The following NSF variants were observed in gnomAD, a reference collection of about 807,000 sequenced individuals.
The protein encoded by NSF is N-ethylmaleimide sensitive factor, vesicle fusing ATPase.
A neutral mutation model predicts 50.3 loss-of-function variants in NSF; 14 were observed. The ratio of observed to expected loss-of-function variants is 0.28; its 90% CI spans 0.18 to 0.44. The LOEUF is 0.44. NSF is among the 20% of genes least tolerant of loss of function. NSF has a pLI of 1.00. For synonymous variants in NSF, 109 were observed against 175.7 expected, an observed-to-expected ratio of 0.62 and a Z score of 3.00; for missense variants, 218 against 504.3, an observed-to-expected ratio of 0.43 and a Z score of 5.44.
chr17:46,693,390 G>T (rs2058564930), intron 10 of NSF, among the ~76,000 whole-genome samples: 1 of 151,964 alleles, frequency 6.6e-6, no homozygotes, highest in Non-Finnish European at 1.5e-5. Flanking sequence ...GGCCTTCGGG[G>T]GTCCTCAGAG....
intron 8 of NSF, among the ~76,000 whole-genome samples, chr17:46,649,330 G>A (rs1279452608): frequency 1.3e-5 from 2 of 150,172 alleles, no homozygotes; most frequent in African/African-American, 5.0e-5. Flanking sequence ...TAGTAATGGT[G>A]TAAGTAGTCT....
chr17:46,745,395 CTT>C (rs2059118134), intron 17 of NSF, among the ~76,000 whole-genome samples: 1 of 152,192 alleles, frequency 6.6e-6, no homozygotes, highest in African/African-American at 2.4e-5. Flanking sequence ...GTCATGACCT[CTT>C]TGCAGTTTTT....
chr17:46,739,628 C>T (rs1024183197), intron 17 of NSF, among the ~76,000 whole-genome samples: 1 of 151,822 alleles, frequency 6.6e-6, no homozygotes, highest in South Asian at 2.1e-4. Context: ...TCCTGTGGGC[C>T]CCTTCCTCTA....
At position 46,720,646 on chromosome 17, in the gene NSF, A is replaced by G. The variant is rs1287186323; in HGVS notation, c.1762-5903A>G. On this transcript the variant is annotated intron_variant, in intron 15 of 20. Coordinates refer to ENST00000398238, the MANE Select transcript of NSF (RefSeq NM_006178.4). ...TTTACGTTTTTATATGCTACCAAATATGATTAGAGTATGCTTTTAACTAAT... is the reference window on the plus strand; with the variant it reads ...TTTACGTTTTTATATGCTACCAAATGTGATTAGAGTATGCTTTTAACTAAT... 2.0e-5 allele frequency among the ~76,000 whole-genome samples: 3 copies of G among 152,226 alleles called. No individual in the cohort carries two copies. In the East Asian group the frequency reaches 5.8e-4, roughly 29 times the overall value.
intron 9 of NSF, among the ~76,000 whole-genome samples, chr17:46,676,151 AC>A (rs1389475946): frequency 2.8e-5 from 4 of 141,996 alleles, no homozygotes; most frequent in Non-Finnish European, 4.5e-5. Context: ...ATCTGCTGCC[AC>A]CACAGGGAAA....
rs1317075170 is a variant in NSF, at chr17:46,757,210, T to C, written c.*1387T>C. On this transcript the variant is annotated 3_prime_UTR_variant, in exon 21 of 21. Coordinates refer to ENST00000398238, the MANE Select transcript of NSF (RefSeq NM_006178.4). ...GATGTCATATCTTCTTTGTTTTGGGTTTTCTTCCCTAGCTTATTTTGTGGC... is the reference window on the plus strand; with the variant it reads ...GATGTCATATCTTCTTTGTTTTGGGCTTTCTTCCCTAGCTTATTTTGTGGC... 1 of 152,258 alleles carries C rather than the reference T, an allele frequency of 6.6e-6. No individual in the cohort carries two copies. The highest frequency in any genetic ancestry group is 1.5e-5 in the Non-Finnish European group (1 of 68,038). 9.4% of individuals were successfully genotyped at this position (152,258 alleles called of 1,614,324 possible).
intron 1 of NSF, among the ~76,000 whole-genome samples, chr17:46,608,775 G>A (rs2057975900): frequency 6.9e-6 from 1 of 144,378 alleles, no homozygotes. Context: ...TTGTATTTTA[G>A]TAGAGATGGG....
chr17:46,728,815 G>T (rs759440444), intron 16 of NSF, 40 bp from the exon 17 acceptor site: 4 of 1,322,026 alleles, frequency 3.0e-6, no homozygotes, highest in Non-Finnish European at 4.2e-6. Flanking sequence ...ATATGTACAT[G>T]TGTATCAAAT....
intron 17 of NSF, among the ~76,000 whole-genome samples, chr17:46,743,555 T>C (rs910282697): frequency 1.3e-5 from 2 of 152,196 alleles, no homozygotes; most frequent in African/African-American, 4.8e-5. Flanking sequence ...GGCCTCTACT[T>C]CTGTTGCACC....
intron 15 of NSF, among the ~76,000 whole-genome samples, chr17:46,724,416 C>T (rs2058865896): frequency 6.6e-6 from 1 of 152,136 alleles, no homozygotes; most frequent in Admixed American, 6.5e-5. Flanking sequence ...AATAGAGGCC[C>T]CGCCTTACAT....
At position 46,749,675 on chromosome 17, in the gene NSF, A is replaced by T. The variant is rs1001247749; in HGVS notation, c.1909-98A>T. ...TTGCCTAATCATTTGCATCGGCAAG[A>T]TTAAATAAAAGTCTTTTGCAAATTG... On this transcript the variant is annotated intron_variant, in intron 17 of 20. Coordinates refer to ENST00000398238, the MANE Select transcript of NSF (RefSeq NM_006178.4). 25 of 1,167,360 alleles carry T rather than the reference A, an allele frequency of 2.1e-5. No homozygotes were observed. In the African/African-American group the frequency reaches 3.9e-4, roughly 18 times the overall value. 72.3% of individuals were successfully genotyped at this position (1,167,360 alleles called of 1,614,324 possible).
chr17:46,622,418 A>G (rs950283949), intron 1 of NSF, among the ~76,000 whole-genome samples: 3 of 150,260 alleles, frequency 2.0e-5, no homozygotes, highest in Non-Finnish European at 2.9e-5. Context: ...ATATCGCACC[A>G]GGGCAGTCCA....
intron 14 of NSF, chr17:46,713,396 G>A (rs1180090560): frequency 6.4e-6 from 1 of 156,612 alleles, no homozygotes; most frequent in South Asian, 1.9e-4. Flanking sequence ...TTATGAGAAG[G>A]CCTGAGTCTT....
At chr17:46,720,221 G>A (rs749165361) in intron 15 of NSF, among the ~76,000 whole-genome samples, 9 of 152,220 alleles carry the variant, frequency 5.9e-5, no homozygotes, top group Non-Finnish European at 1.3e-4. Context: ...TTAGCTGAGA[G>A]AAGTGGGCAC....
chr17:46,724,355 A>T (rs2058865104), intron 15 of NSF, among the ~76,000 whole-genome samples: 1 of 152,232 alleles, frequency 6.6e-6, no homozygotes, highest in African/African-American at 2.4e-5. Context: ...GTCATGGCTC[A>T]GACAGTGAGT....
chr17:46,748,749 A>G (rs2146336328), intron 17 of NSF, among the ~76,000 whole-genome samples: 1 of 152,346 alleles, frequency 6.6e-6, no homozygotes, highest in African/African-American at 2.4e-5. Context: ...AATGTGTTTG[A>G]ACATACTGAA....
chr17:46,729,109 A>G (rs923065442), intron 17 of NSF, among the ~76,000 whole-genome samples, 175 bp downstream of exon 17: 1 of 152,176 alleles, frequency 6.6e-6, no homozygotes, highest in Non-Finnish European at 1.5e-5. Flanking sequence ...TTTTATCAAC[A>G]GAATTTTTCC....
At chr17:46,752,559 G>A (rs1467465972) in intron 19 of NSF, among the ~76,000 whole-genome samples, 1 of 152,106 alleles carries the variant, frequency 6.6e-6, no homozygotes, top group African/African-American at 2.4e-5. Flanking sequence ...AGGCTCAGGC[G>A]TTCCTCCCGT....
intron 12 of NSF, among the ~76,000 whole-genome samples, chr17:46,703,579 G>A (rs2058626829): frequency 2.0e-5 from 3 of 149,442 alleles, no homozygotes; most frequent in Non-Finnish European, 4.4e-5. Flanking sequence ...CTACTCGGGA[G>A]GCTGAGGCAG....
Sources: allele counts gnomAD v4.1 joint callset (sites outside exome capture counted in the v4.1 genomes callset), GRCh38; gene constraint gnomAD v4.1.1; transcripts MANE v1.5; gene names NCBI Gene and HGNC (gene_info 2026-07-23, HGNC 2026-07-21).